Variants in SUSD1 observed in about 807,000 individuals in gnomAD.
The protein encoded by SUSD1 is sushi domain-containing protein 1.
In SUSD1, 65 loss-of-function variants were observed where a neutral mutation model predicts 86.9. That is an observed-to-expected ratio of 0.75 (90% confidence interval 0.61 to 0.92). SUSD1 has a LOEUF of 0.92. Ranked by LOEUF, SUSD1 falls within the 40% of genes least tolerant of loss-of-function variation. The probability of loss-of-function intolerance (pLI) is 0.00; values close to 1 mark genes in which losing one functional copy is unlikely to be tolerated. For missense variants in SUSD1, 850 were observed against 929.7 expected (o/e 0.91, Z 1.11); for synonymous variants, 346 against 350.0 (o/e 0.99, Z 0.13).
intron 1 of SUSD1, among the ~76,000 whole-genome samples, chr9:112,159,574 A>C (rs997767436): frequency 6.6e-6 from 1 of 152,226 alleles, no homozygotes; most frequent in Non-Finnish European, 1.5e-5. Flanking sequence ...TGACCACATA[A>C]TAATGTAATA....
At chr9:112,115,163 C>G (rs1831260145) in intron 6 of SUSD1, among the ~76,000 whole-genome samples, 1 of 152,212 alleles carries the variant, frequency 6.6e-6, no homozygotes, top group South Asian at 2.1e-4. Context: ...CAAAAGGAAG[C>G]CTGCACCTTA....
chr9:112,048,222 A>C (rs543723091), intron 15 of SUSD1, among the ~76,000 whole-genome samples: 1 of 152,300 alleles, frequency 6.6e-6, no homozygotes, highest in South Asian at 2.1e-4. Flanking sequence ...TCGGGAGCTT[A>C]AGTACATCTC....
intron 10 of SUSD1, among the ~76,000 whole-genome samples, chr9:112,089,334 T>C (rs184725138): frequency 2.0e-5 from 3 of 152,112 alleles, no homozygotes; most frequent in Non-Finnish European, 4.4e-5. Flanking sequence ...CATAAAATAA[T>C]AGGATGGAGT....
intron 8 of SUSD1, among the ~76,000 whole-genome samples, chr9:112,103,385 C>T (rs557579227): frequency 3.1e-4 from 47 of 152,310 alleles, no homozygotes; most frequent in Middle Eastern, 3.4e-3. Flanking sequence ...TTCATAAGGA[C>T]ATCAGAAATA....
intron 1 of SUSD1, 31 bp from the exon 2 acceptor site, chr9:112,157,644 G>C: frequency 6.4e-7 from 1 of 1,573,502 alleles, no homozygotes; most frequent in East Asian, 2.2e-5. Context: ...TTCAGAAAAA[G>C]AAAAATGCAA....
At position 112,149,345 on chromosome 9, in the gene SUSD1, C is replaced by A; in HGVS notation, c.272G>T (p.Cys91Phe). 6.2e-7 allele frequency: 1 copy of A among 1,614,112 alleles called. No homozygotes were observed. Among genetic ancestry groups the A allele is most frequent in the East Asian group, 2.2e-5 (1 of 44,878 alleles). ...ATLVCGNHTS[C>F]HNTPGGFYCI... is the part of the protein sequence containing the mutation. ...ATAGAAGCCCCCGGGGGTGTTGTGG[C>A]AAGATGTGTGGTTCCCACAGACAAG... The change falls in exon 3 of 17, where the codon TGC becomes TTC. Residue 91 changes from cysteine to phenylalanine, a missense_variant. Physicochemically the swap from Cys to Phe is radical, Grantham distance 205. Transcript: ENST00000374270.
chr9:112,132,163 C>T (rs192333028), intron 5 of SUSD1, among the ~76,000 whole-genome samples: 85 of 152,224 alleles, frequency 5.6e-4, no homozygotes, highest in African/African-American at 1.8e-3. Flanking sequence ...TTATTATACG[C>T]ATCAGCACAA....
Position 112,041,047 on chromosome 9 carries a change from C to G in SUSD1, c.*445G>C, listed in dbSNP as rs2118800152. Reference sequence around the variant, plus strand: ...AACTCTAGCCCAAACTTAAGCCCATCTCACTGCATATTGTAAAGAATGGAT... The same window carrying G: ...AACTCTAGCCCAAACTTAAGCCCATGTCACTGCATATTGTAAAGAATGGAT... On this transcript the variant is annotated 3_prime_UTR_variant, in exon 17 of 17. Transcript: ENST00000374270. The G allele has an allele frequency of 1.5e-5, 3 of 203,452 alleles. No individual in the cohort carries two copies. In the South Asian group the frequency reaches 4.5e-4, roughly 30 times the overall value. The allele number at this position is 203,452 out of a possible 1,614,324, so 12.6% of individuals were successfully genotyped here. A position where few individuals can be genotyped will look rare whatever the true frequency, so the allele number is the denominator to read the frequency against.
At chr9:112,124,770 C>T (rs150452044) in intron 5 of SUSD1, among the ~76,000 whole-genome samples, 16 of 152,180 alleles carry the variant, frequency 1.1e-4, no homozygotes, top group East Asian at 3.9e-4. Context: ...TAGATGATAA[C>T]GCAATTGTAG....
At chr9:112,083,845 C>T (rs1288566121) in intron 10 of SUSD1, among the ~76,000 whole-genome samples, 1 of 152,160 alleles carries the variant, frequency 6.6e-6, no homozygotes, top group African/African-American at 2.4e-5. Flanking sequence ...CCACTGACAC[C>T]CATTCTGATG....
At chr9:112,132,050 G>A (rs1170286541) in intron 5 of SUSD1, among the ~76,000 whole-genome samples, 1 of 152,182 alleles carries the variant, frequency 6.6e-6, no homozygotes, top group Admixed American at 6.5e-5. Context: ...TTCTACCAAG[G>A]AAATATTCCA....
intron 10 of SUSD1, among the ~76,000 whole-genome samples, chr9:112,093,248 A>G (rs1830271867): frequency 6.6e-6 from 1 of 152,210 alleles, no homozygotes; most frequent in Non-Finnish European, 1.5e-5. Context: ...TCTAATTGGT[A>G]GGAGACTGCC....
At chr9:112,062,072 T>C (rs1276639837) in intron 13 of SUSD1, among the ~76,000 whole-genome samples, 1 of 152,220 alleles carries the variant, frequency 6.6e-6, no homozygotes, top group Non-Finnish European at 1.5e-5. Flanking sequence ...TAATGCCATC[T>C]GGAATCCCAG....
In SUSD1 at chr9:112,148,056, C is replaced by T. The variant is rs148624334; in HGVS notation, c.373+1188G>A. On this transcript the variant is annotated intron_variant, in intron 3 of 16. Transcript: ENST00000374270. ...TACAGGTCAAGAGGGAGGATGAATC[C>T]GAGCATAAGAACCTACGGTTCCTGG... is the stretch of plus-strand genomic sequence containing the variant. Among the ~76,000 whole-genome samples, 712 of 152,226 alleles carry T rather than the reference C, an allele frequency of 4.7e-3. 4 individuals are homozygous for T. The highest frequency in any genetic ancestry group is 0.016 in the African/African-American group (658 of 41,542).
intron 13 of SUSD1, among the ~76,000 whole-genome samples, chr9:112,061,275 C>T (rs1314662682): frequency 6.6e-6 from 1 of 152,206 alleles, no homozygotes; most frequent in Non-Finnish European, 1.5e-5. Context: ...GCCTGTCTCA[C>T]ACACTGGCAA....
chr9:112,078,456 G>T, intron 12 of SUSD1, 82 bp downstream of exon 12: 1 of 1,358,730 alleles, frequency 7.4e-7, no homozygotes, highest in Non-Finnish European at 1.0e-6. Context: ...ATGATAAAAA[G>T]CAACAGTGTT....
chr9:112,162,037 C>T (rs1833593743), intron 1 of SUSD1, among the ~76,000 whole-genome samples: 1 of 152,108 alleles, frequency 6.6e-6, no homozygotes, highest in Non-Finnish European at 1.5e-5. Context: ...TTGAAAATTA[C>T]AGTTTTTACT....
rs775105952 is a variant in SUSD1, at chr9:112,112,860, T to G, written c.895A>C (p.Thr299Pro). 2 of 1,610,260 alleles carry G rather than the reference T, an allele frequency of 1.2e-6. No homozygotes were observed. The highest frequency in any genetic ancestry group is 1.7e-6 in the Non-Finnish European group (2 of 1,176,680). ...ESTLTCTEIL[T>P]KINDVSLFND... ...AACAGTGATACATCATTAATCTTTG[T>G]CAGAATTTCTAAAAGAGAAAAAGGC... Residue 299 changes from threonine (T) to proline (P), a missense_variant, in exon 7 of 17, where the codon ACA (threonine) becomes CCA (proline). Transcript: ENST00000374270.
intron 4 of SUSD1, among the ~76,000 whole-genome samples, chr9:112,142,787 T>C (rs1832635237): frequency 6.6e-6 from 1 of 151,996 alleles, no homozygotes; most frequent in African/African-American, 2.4e-5. Flanking sequence ...TCCAGTGAAA[T>C]AAAAAATCTG....
Sources: gnomAD v4.1 joint callset for allele counts (sites outside exome capture counted in the v4.1 genomes callset) on GRCh38, gnomAD v4.1.1 for gene constraint, MANE v1.5 for transcripts, NCBI Gene and HGNC (gene_info 2026-07-23, HGNC 2026-07-21) for gene names.